NHLRC2: variants seen among roughly 807,000 people sequenced by gnomAD.
NHLRC2 encodes the protein NHL repeat-containing protein 2.
In NHLRC2, 33 loss-of-function variants were observed where a neutral mutation model predicts 68.1. The observed-to-expected ratio is 0.48, with a 90% CI of 0.37 to 0.65. The LOEUF is 0.65. NHLRC2 is among the 30% of genes least tolerant of loss of function. The pLI is 0.00. For synonymous variants in NHLRC2, 311 were observed against 309.6 expected, an observed-to-expected ratio of 1.00 and a Z score of -0.05; for missense variants, 761 against 853.8, an observed-to-expected ratio of 0.89 and a Z score of 1.35.
chr10:113,854,853 A>T lies in NHLRC2; in HGVS notation c.-20A>T, dbSNP rs934560529. The T allele has an allele frequency of 3.9e-6, 6 of 1,535,718 alleles. No individual in the cohort carries two copies. The highest frequency in any genetic ancestry group is 5.3e-6 in the Non-Finnish European group (6 of 1,141,236). ...ACTCTCCCGCGGGCCCGGCGGCCGC[A>T]TCGGGAGCCCGGCGGAAACATGGCG... On this transcript the variant is annotated 5_prime_UTR_variant, in exon 1 of 11. Coordinates refer to ENST00000369301, the MANE Select transcript of NHLRC2 (RefSeq NM_198514.4).
At chr10:113,885,177 T>C (rs1846070190) in intron 5 of NHLRC2, among the ~76,000 whole-genome samples, 1 of 151,936 alleles carries the variant, frequency 6.6e-6, no homozygotes, top group South Asian at 2.1e-4. Flanking sequence ...CTTTCTTTTA[T>C]GATGCCAATT....
At chr10:113,878,397 T>C (rs1846005199) in intron 3 of NHLRC2, among the ~76,000 whole-genome samples, 1 of 152,238 alleles carries the variant, frequency 6.6e-6, no homozygotes, top group South Asian at 2.1e-4. Flanking sequence ...CATTTTTGCC[T>C]GCACAATGCT....
At chr10:113,891,171 A>G (rs1045382862) in intron 5 of NHLRC2, among the ~76,000 whole-genome samples, 1 of 152,172 alleles carries the variant, frequency 6.6e-6, no homozygotes, top group Non-Finnish European at 1.5e-5. Context: ...CATCTCTAAT[A>G]TTATGCCTTT....
chr10:113,861,934 C>T lies in NHLRC2; in HGVS notation c.331+3254C>T, dbSNP rs891245890. On this transcript the variant is annotated intron_variant, in intron 2 of 10. Coordinates refer to ENST00000369301, the MANE Select transcript of NHLRC2 (RefSeq NM_198514.4). ...TATTCCCCAGGCTAGAGTGTAGTGG[C>T]GCATCTCGGCCTACTGCAACCTCTG... 9.2e-5 allele frequency among the ~76,000 whole-genome samples: 14 copies of T among 151,758 alleles called. No individual in the cohort carries two copies. The East Asian group carries it at 1.4e-3, about 15-fold the overall frequency.
chr10:113,874,489 TGTGTG>T (rs1260107157), intron 2 of NHLRC2, among the ~76,000 whole-genome samples: 1 of 143,928 alleles, frequency 6.9e-6, no homozygotes. Flanking sequence ...TGTGTGTGTG[TGTGTG>T]TTTAGCCTTT....
In NHLRC2 at chr10:113,910,659, A is replaced by C. The variant is rs553617005; in HGVS notation, c.*2123A>C. 6 of 152,360 alleles carry C rather than the reference A, an allele frequency of 3.9e-5. No homozygotes were observed. The South Asian group carries it at 1.0e-3, about 26-fold the overall frequency. The allele number at this position is 152,360 out of a possible 1,614,324, so 9.4% of individuals were successfully genotyped here. ...TACAATTTTAATTTACTAATTTAGA[A>C]ATATCTGAGTTTATTTTTCAATATA... is the stretch of plus-strand genomic sequence containing the variant. On this transcript the variant is annotated 3_prime_UTR_variant, in exon 11 of 11. Coordinates refer to ENST00000369301, the MANE Select transcript of NHLRC2 (RefSeq NM_198514.4).
intron 10 of NHLRC2, 35 bp from the exon 11 acceptor site, chr10:113,908,245 T>C (rs1267248580): frequency 6.5e-7 from 1 of 1,545,120 alleles, no homozygotes; most frequent in East Asian, 2.2e-5. Context: ...CTACTTATCT[T>C]ATACAGTCTT....
At position 113,854,710 on chromosome 10, in the gene NHLRC2, G is replaced by A; in HGVS notation, c.-163G>A. 1 of 600,894 alleles carries A rather than the reference G, an allele frequency of 1.7e-6. No individual in the cohort carries two copies. Among genetic ancestry groups the A allele is most frequent in the Non-Finnish European group, 2.9e-6 (1 of 349,324 alleles). The allele number at this position is 600,894 out of a possible 1,614,324, so 37.2% of individuals were successfully genotyped here. A position where few individuals can be genotyped will look rare whatever the true frequency, so the allele number is the denominator to read the frequency against. On this transcript the variant is annotated 5_prime_UTR_variant, in exon 1 of 11. Coordinates refer to ENST00000369301, the MANE Select transcript of NHLRC2 (RefSeq NM_198514.4). ...GCGCCGATTTGGACTTTTGGCACTT[G>A]GACCTATGCTTTAAAAAGAAAAAAG...
intron 9 of NHLRC2, 124 bp from the exon 10 acceptor site, chr10:113,904,693 T>C (rs955574914): frequency 8.5e-6 from 6 of 705,042 alleles, no homozygotes; most frequent in Non-Finnish European, 1.4e-5. Flanking sequence ...TAATTCAAAC[T>C]AGAATGGCGA....
intron 2 of NHLRC2, among the ~76,000 whole-genome samples, chr10:113,864,764 C>T (rs1845848949): frequency 1.3e-5 from 2 of 150,930 alleles, no homozygotes; most frequent in Admixed American, 1.3e-4. Context: ...ATGAACCTTA[C>T]AAGGTCAGAA....
intron 1 of NHLRC2, among the ~76,000 whole-genome samples, chr10:113,856,992 G>T (rs1451845880): frequency 1.3e-5 from 2 of 152,046 alleles, no homozygotes; most frequent in African/African-American, 2.4e-5. Context: ...CAAGTTACTT[G>T]ACCTCAAAGC....
chr10:113,865,001 G>A (rs1026329952), intron 2 of NHLRC2, among the ~76,000 whole-genome samples: 1 of 151,380 alleles, frequency 6.6e-6, no homozygotes, highest in African/African-American at 2.4e-5. Flanking sequence ...CCAGGCTGGA[G>A]TGCAATGGCG....
intron 2 of NHLRC2, among the ~76,000 whole-genome samples, chr10:113,875,200 T>C (rs1328617560): frequency 5.3e-5 from 8 of 152,080 alleles, no homozygotes; most frequent in African/African-American, 1.7e-4. Context: ...GGTAGCCTTA[T>C]TTTAGTAGGC....
chr10:113,903,306 A>G (rs1846244359), intron 8 of NHLRC2, among the ~76,000 whole-genome samples: 1 of 152,184 alleles, frequency 6.6e-6, no homozygotes, highest in Admixed American at 6.5e-5. Context: ...GGAGCTAAGG[A>G]TTTTACATAG....
chr10:113,900,431 C>T (rs1846217511), intron 6 of NHLRC2, among the ~76,000 whole-genome samples: 1 of 152,152 alleles, frequency 6.6e-6, no homozygotes, highest in Non-Finnish European at 1.5e-5. Flanking sequence ...ATAGATGATT[C>T]AGAGCTGCCT....
chr10:113,870,043 CA>C (rs1003712213), intron 2 of NHLRC2, among the ~76,000 whole-genome samples: 1 of 152,068 alleles, frequency 6.6e-6, no homozygotes, highest in Non-Finnish European at 1.5e-5. Flanking sequence ...ATTGAGAAAC[CA>C]AGGTCTGGGA....
chr10:113,912,930 T>A lies in NHLRC2; in HGVS notation c.*4394T>A, dbSNP rs982402246. 1.3e-5 allele frequency: 2 copies of A among 152,184 alleles called. No individual in the cohort carries two copies. Among genetic ancestry groups the A allele is most frequent in the Non-Finnish European group, 2.9e-5 (2 of 68,030 alleles). The allele number at this position is 152,184 out of a possible 1,614,324, so 9.4% of individuals were successfully genotyped here. A position where few individuals can be genotyped will look rare whatever the true frequency, so the allele number is the denominator to read the frequency against. The stretch of plus-strand genomic sequence containing the variant: ...GCAGAGGGAAAACGAACTGCTCAAT[T>A]AAGAGTTCTTCCATGGACACTTTCT... On this transcript the variant is annotated 3_prime_UTR_variant, in exon 11 of 11. Coordinates refer to ENST00000369301, the MANE Select transcript of NHLRC2 (RefSeq NM_198514.4).
chr10:113,912,787 A>T lies in NHLRC2; in HGVS notation c.*4251A>T, dbSNP rs372039905. On this transcript the variant is annotated 3_prime_UTR_variant, in exon 11 of 11. Transcript: ENST00000369301. ...TATCTGAAGAATAGAAAACCGGAAT[A>T]GTGCTCGATGCCTGAAGTGGTGCCT... 6.6e-6 allele frequency: 1 copy of T among 152,314 alleles called. No individual in the cohort carries two copies. Among genetic ancestry groups the T allele is most frequent in the South Asian group, 2.1e-4 (1 of 4,828 alleles). The allele number at this position is 152,314 out of a possible 1,614,324, so 9.4% of individuals were successfully genotyped here.
rs193002734 is a variant in NHLRC2 at position 113,910,078 on chromosome 10, C to G, written c.*1542C>G. The G allele has an allele frequency of 2.0e-5, 3 of 152,086 alleles. No individual in the cohort carries two copies. Among genetic ancestry groups the G allele is most frequent in the African/African-American group, 7.2e-5 (3 of 41,388 alleles). The allele number at this position is 152,086 out of a possible 1,614,324, so 9.4% of individuals were successfully genotyped here. A position where few individuals can be genotyped will look rare whatever the true frequency, so the allele number is the denominator to read the frequency against. ...ATATAGATATAAAATTAAAAGGAATCCTGTTTAAAATTATATGTAATTACC... is the reference window on the plus strand; with the variant it reads ...ATATAGATATAAAATTAAAAGGAATGCTGTTTAAAATTATATGTAATTACC... On this transcript the variant is annotated 3_prime_UTR_variant, in exon 11 of 11. Coordinates refer to ENST00000369301, the MANE Select transcript of NHLRC2 (RefSeq NM_198514.4).
Sources: allele counts gnomAD v4.1 joint callset (sites outside exome capture counted in the v4.1 genomes callset), GRCh38; gene constraint gnomAD v4.1.1; transcripts MANE v1.5; gene names NCBI Gene and HGNC (gene_info 2026-07-23, HGNC 2026-07-21).